The following ARB2A variants were observed in gnomAD, a reference collection of about 807,000 sequenced individuals.
ARB2A encodes ARB2 cotranscriptional regulator A.
chr5:93,718,656 G>A, the ARB2A span, among the ~76,000 whole-genome samples: 1 of 152,098 alleles, frequency 6.6e-6, no homozygotes, highest in Non-Finnish European at 1.5e-5. Context: ...GGAAATGAAA[G>A]ACTTATCACT....
chr5:93,732,159 G>C, the ARB2A span, among the ~76,000 whole-genome samples: 2 of 152,152 alleles, frequency 1.3e-5, no homozygotes, highest in East Asian at 1.9e-4. Flanking sequence ...GTGTCGCCAT[G>C]ATCATGCTAA....
the ARB2A span, among the ~76,000 whole-genome samples, chr5:93,969,884 G>A: frequency 6.6e-6 from 1 of 152,070 alleles, no homozygotes; most frequent in African/African-American, 2.4e-5. Context: ...ATTTAAGGGG[G>A]TGGGGAAGAG....
chr5:94,045,386 G>A, the ARB2A span, among the ~76,000 whole-genome samples: 3 of 151,808 alleles, frequency 2.0e-5, no homozygotes, highest in African/African-American at 7.3e-5. Flanking sequence ...GCTCTCTTGG[G>A]GTCTCGATCA....
At chr5:93,854,792 T>C in the ARB2A span, among the ~76,000 whole-genome samples, 16 of 152,198 alleles carry the variant, frequency 1.1e-4, no homozygotes, top group East Asian at 5.8e-4. Flanking sequence ...TAATCCTGAG[T>C]TCTAGTTTGA....
chr5:93,686,978 C>T, the ARB2A span, among the ~76,000 whole-genome samples: 66 of 151,566 alleles, frequency 4.4e-4, 2 homozygotes, highest in Middle Eastern at 3.4e-3. Context: ...TACATAAAAA[C>T]GAAAAACGTT....
At chr5:94,007,339 T>C in the ARB2A span, among the ~76,000 whole-genome samples, 2 of 152,144 alleles carry the variant, frequency 1.3e-5, no homozygotes, top group Non-Finnish European at 2.9e-5. Flanking sequence ...AATTTAACAT[T>C]TGTGCCACAG....
the ARB2A span, among the ~76,000 whole-genome samples, chr5:93,999,808 CCT>C: frequency 2.0e-5 from 3 of 151,990 alleles, no homozygotes; most frequent in African/African-American, 7.2e-5. Context: ...CCTTAAAAAT[CCT>C]CTGTGTTCTG....
chr5:93,814,351 G>T, the ARB2A span, among the ~76,000 whole-genome samples: 1 of 152,132 alleles, frequency 6.6e-6, no homozygotes. Context: ...TTCTAAGGTT[G>T]CATCAAGCAA....
At chr5:93,636,282 A>C in the ARB2A span, among the ~76,000 whole-genome samples, 1 of 152,204 alleles carries the variant, frequency 6.6e-6, no homozygotes, top group South Asian at 2.1e-4. Context: ...CCCAGAGACC[A>C]ATTTGGGGAT....
At chr5:93,952,508 A>T in the ARB2A span, among the ~76,000 whole-genome samples, 1 of 152,166 alleles carries the variant, frequency 6.6e-6, no homozygotes, top group African/African-American at 2.4e-5. Flanking sequence ...CCTGGCCTGC[A>T]AGGTTTCAAC....
the ARB2A span, among the ~76,000 whole-genome samples, chr5:93,923,032 C>A: frequency 1.3e-4 from 20 of 151,964 alleles, no homozygotes; most frequent in African/African-American, 4.8e-4. Flanking sequence ...CTATCTCCTG[C>A]ACCTCTTTTG....
the ARB2A span, among the ~76,000 whole-genome samples, chr5:93,728,047 A>T: frequency 6.6e-6 from 1 of 152,134 alleles, no homozygotes; most frequent in East Asian, 1.9e-4. Context: ...AGATGGAAGC[A>T]ACAGCGGACT....
At chr5:93,741,592 G>A in the ARB2A span, 87 of 1,481,956 alleles carry the variant, frequency 5.9e-5, no homozygotes, top group East Asian at 2.0e-3. Flanking sequence ...AGCGGCTCTG[G>A]TAGGAACTGA....
At chr5:93,911,972 C>T in the ARB2A span, among the ~76,000 whole-genome samples, 2 of 151,630 alleles carry the variant, frequency 1.3e-5, no homozygotes, top group Non-Finnish European at 3.0e-5. Flanking sequence ...GTAGTTGACA[C>T]AGAACAAATA....
At chr5:93,924,741 G>A in the ARB2A span, among the ~76,000 whole-genome samples, 2 of 152,122 alleles carry the variant, frequency 1.3e-5, no homozygotes, top group African/African-American at 2.4e-5. Flanking sequence ...GTAACTACCC[G>A]GAGGATTTAG....
the ARB2A span, among the ~76,000 whole-genome samples, chr5:93,731,442 C>A: frequency 6.6e-6 from 1 of 152,204 alleles, no homozygotes; most frequent in Non-Finnish European, 1.5e-5. Context: ...TGCCCACAAA[C>A]TCATCTCAGA....
At chr5:93,784,345 A>G in the ARB2A span, 3 of 1,453,082 alleles carry the variant, frequency 2.1e-6, no homozygotes, top group South Asian at 1.1e-5. Context: ...AAAGGCTCAC[A>G]CCCATTCATC....
the ARB2A span, among the ~76,000 whole-genome samples, chr5:93,714,844 C>G: frequency 6.6e-6 from 1 of 152,170 alleles, no homozygotes; most frequent in Non-Finnish European, 1.5e-5. Flanking sequence ...TTGATAAGTA[C>G]ATTATTCAAT....
At chr5:94,074,536 G>C in the ARB2A span, 1 of 748,418 alleles carries the variant, frequency 1.3e-6, no homozygotes, top group South Asian at 2.0e-5. Context: ...AATACTTTAG[G>C]TACTTATATT....
Sources: allele counts gnomAD v4.1 joint callset (sites outside exome capture counted in the v4.1 genomes callset), GRCh38; gene constraint gnomAD v4.1.1; transcripts MANE v1.5; gene names NCBI Gene and HGNC (gene_info 2026-07-23, HGNC 2026-07-21).